SAMD12: variants seen among roughly 807,000 people sequenced by gnomAD.
SAMD12 encodes sterile alpha motif domain-containing protein 12.
In SAMD12, 9 loss-of-function variants were observed where a neutral mutation model predicts 15.0. The observed-to-expected ratio is 0.60, with a 90% CI of 0.36 to 1.05. The LOEUF (loss-of-function observed/expected upper bound fraction) is 1.05, where lower values mean the gene tolerates loss of function less well. Among genes scored for constraint, SAMD12 ranks in the 50% least tolerant of loss-of-function variants. SAMD12 has a pLI of 0.01. For synonymous variants in SAMD12, 86 were observed against 90.1 expected (o/e 0.96, Z 0.25); for missense variants, 230 against 234.2 (o/e 0.98, Z 0.12).
At chr8:118,466,687 C>G (rs897934554) in intron 2 of SAMD12, among the ~76,000 whole-genome samples, 1 of 152,082 alleles carries the variant, frequency 6.6e-6, no homozygotes, top group African/African-American at 2.4e-5. Flanking sequence ...CCATCCTTTA[C>G]AAATTACTTA....
At chr8:118,172,814 G>T in the SAMD12 span, among the ~76,000 whole-genome samples, 1 of 151,946 alleles carries the variant, frequency 6.6e-6, no homozygotes, top group African/African-American at 2.4e-5. Flanking sequence ...ATATAGTTTT[G>T]TTAACTATAG....
At chr8:118,395,932 CA>C (rs34761474) in intron 3 of SAMD12, among the ~76,000 whole-genome samples, 59,991 of 128,982 alleles carry the variant, frequency 0.47, 12,407 homozygotes, top group Non-Finnish European at 0.52. Flanking sequence ...GACTCCATCT[CA>C]AAAAAAAAAA....
chr8:118,541,734 C>T (rs1825994492), intron 2 of SAMD12, among the ~76,000 whole-genome samples: 1 of 152,002 alleles, frequency 6.6e-6, no homozygotes, highest in South Asian at 2.1e-4. Context: ...TATAATTTAC[C>T]CATGACCAAG....
chr8:118,287,367 C>T (rs1037317625), intron 4 of SAMD12, among the ~76,000 whole-genome samples: 1 of 149,290 alleles, frequency 6.7e-6, no homozygotes, highest in African/African-American at 2.4e-5. Context: ...CCTCGTGATC[C>T]GCCCGCCTCG....
intron 3 of SAMD12, among the ~76,000 whole-genome samples, chr8:118,390,635 C>T (rs1405342719): frequency 6.6e-6 from 1 of 152,160 alleles, no homozygotes; most frequent in African/African-American, 2.4e-5. Context: ...TGCCTCATTT[C>T]CTGGCAAGAA....
intron 2 of SAMD12, among the ~76,000 whole-genome samples, chr8:118,493,849 C>T (rs892027244): frequency 6.6e-6 from 1 of 152,170 alleles, no homozygotes; most frequent in African/African-American, 2.4e-5. Flanking sequence ...AGACTGAACC[C>T]TGGCATCACC....
At chr8:118,495,172 T>C (rs1824572219) in intron 2 of SAMD12, among the ~76,000 whole-genome samples, 1 of 152,190 alleles carries the variant, frequency 6.6e-6, no homozygotes, top group Non-Finnish European at 1.5e-5. Context: ...GCTTAGGCAG[T>C]AACGTATGAA....
chr8:118,168,308 T>C, the SAMD12 span, among the ~76,000 whole-genome samples: 4 of 152,240 alleles, frequency 2.6e-5, no homozygotes, highest in East Asian at 7.7e-4. Flanking sequence ...TCAGGGTACT[T>C]ATTCCCCCAT....
intron 2 of SAMD12, 124 bp downstream of exon 2, chr8:118,580,591 G>A (rs545831686): frequency 1.5e-6 from 1 of 674,798 alleles, no homozygotes; most frequent in Admixed American, 2.5e-5. Context: ...AAGATACAGT[G>A]CTCATTTGAC....
intron 2 of SAMD12, among the ~76,000 whole-genome samples, chr8:118,538,883 C>A (rs1825917208): frequency 6.6e-6 from 1 of 152,186 alleles, no homozygotes. Context: ...TATAAGGCAT[C>A]TATTTGTATG....
intron 1 of SAMD12, among the ~76,000 whole-genome samples, chr8:118,608,309 C>A (rs1563609858): frequency 1.3e-5 from 2 of 151,878 alleles, no homozygotes; most frequent in Admixed American, 6.6e-5. Flanking sequence ...TGACACACCC[C>A]GCTCAGAAAT....
intron 2 of SAMD12, among the ~76,000 whole-genome samples, chr8:118,562,420 GA>G (rs1563585808): frequency 6.6e-6 from 1 of 152,106 alleles, no homozygotes; most frequent in East Asian, 1.9e-4. Flanking sequence ...AAAAGTAAAA[GA>G]GGTTATTAAA....
the SAMD12 span, among the ~76,000 whole-genome samples, chr8:118,150,650 T>G: frequency 1.3e-5 from 2 of 152,206 alleles, no homozygotes; most frequent in East Asian, 1.9e-4. Context: ...ATTATAGGCA[T>G]GAATCACCAC....
chr8:118,400,313 C>T (rs893429525), intron 3 of SAMD12: 1 of 152,296 alleles, frequency 6.6e-6, no homozygotes, highest in South Asian at 2.1e-4. Context: ...AGGATCCTGA[C>T]AAAGACTTCG....
chr8:118,531,109 G>A (rs1825671865), intron 2 of SAMD12, among the ~76,000 whole-genome samples: 1 of 152,196 alleles, frequency 6.6e-6, no homozygotes, highest in Admixed American at 6.5e-5. Context: ...TTTTGTGTAA[G>A]GTGTGAGGAA....
intron 4 of SAMD12, among the ~76,000 whole-genome samples, chr8:118,313,857 T>G (rs767061829): frequency 2.5e-4 from 38 of 151,934 alleles, no homozygotes; most frequent in Non-Finnish European, 8.8e-5. Flanking sequence ...TATCTAGTAT[T>G]GAAATTTGGC....
At chr8:118,530,127 T>G (rs1825643978) in intron 2 of SAMD12, among the ~76,000 whole-genome samples, 1 of 152,222 alleles carries the variant, frequency 6.6e-6, no homozygotes, top group South Asian at 2.1e-4. Context: ...TGATGATCAG[T>G]GGTGATGAGC....
chr8:118,326,280 G>C (rs1256802243), intron 4 of SAMD12, among the ~76,000 whole-genome samples: 1 of 152,154 alleles, frequency 6.6e-6, no homozygotes, highest in East Asian at 1.9e-4. Context: ...AACGGTTCCA[G>C]GACCAGGATT....
At chr8:118,281,450 C>T (rs1184496763) in intron 4 of SAMD12, among the ~76,000 whole-genome samples, 1 of 152,186 alleles carries the variant, frequency 6.6e-6, no homozygotes, top group Non-Finnish European at 1.5e-5. Flanking sequence ...TCATCTAACA[C>T]AGTGCTGACT....
Sources: gnomAD v4.1 joint callset for allele counts (sites outside exome capture counted in the v4.1 genomes callset) on GRCh38, gnomAD v4.1.1 for gene constraint, MANE v1.5 for transcripts, NCBI Gene and HGNC (gene_info 2026-07-23, HGNC 2026-07-21) for gene names.